SRSF8: variants seen among roughly 807,000 people sequenced by gnomAD.
SRSF8 encodes serine/arginine-rich splicing factor 8.
SRSF8 carries 3 observed loss-of-function variants against 2.0 expected under a neutral mutation model. The ratio of observed to expected loss-of-function variants is 1.47; its 90% CI spans 0.67 to 3.79. The LOEUF is 3.79. SRSF8 is among the 30% of genes most tolerant of loss of function. SRSF8 has a pLI of 0.02. For missense variants in SRSF8, 408 were observed against 410.9 expected, an observed-to-expected ratio of 0.99 and a Z score of 0.06; for synonymous variants, 162 against 170.7, an observed-to-expected ratio of 0.95 and a Z score of 0.40.
Position 95,067,689 on chromosome 11 carries a change from T to A in SRSF8, c.463T>A (p.Tyr155Asn). ...RSRSRYRGSR[Y>N]SRSPYSRSPY... Reference sequence around the variant, plus strand: ...CCGATCTCGCTATAGGGGTTCTCGCTATAGCCGGTCTCCCTACAGCCGATC... The same window carrying A: ...CCGATCTCGCTATAGGGGTTCTCGCAATAGCCGGTCTCCCTACAGCCGATC... Residue 155 changes from tyrosine (Y) to asparagine (N), a missense_variant, in exon 1 of 1, where the codon TAT (tyrosine) becomes AAT (asparagine). Tyr to Asn is a moderately radical substitution (Grantham distance 143). Around this residue, in one of 2 missense-constraint regions of SRSF8, gnomAD observed 346 missense variants for 316.5 expected, o/e 1.09. Transcript: ENST00000587424. 1 of 1,613,890 alleles carries A rather than the reference T, an allele frequency of 6.2e-7. No homozygotes were observed. The highest frequency in any genetic ancestry group is 2.2e-5 in the East Asian group (1 of 44,864).
In SRSF8 at chr11:95,067,085, C is replaced by A. The variant is rs1437397722; in HGVS notation, c.-142C>A. On this transcript the variant is annotated 5_prime_UTR_variant, in exon 1 of 1. Transcript: ENST00000587424. ...CGGAAGTTGCTGCTCCAGGGCGCTCCCTGCGGAGCTCCGCCGCCCGCCTCT... is the reference window on the plus strand; with the variant it reads ...CGGAAGTTGCTGCTCCAGGGCGCTCACTGCGGAGCTCCGCCGCCCGCCTCT... The A allele has an allele frequency of 1.3e-6, 1 of 778,652 alleles. No individual in the cohort carries two copies. The highest frequency in any genetic ancestry group is 1.9e-5 in the African/African-American group (1 of 54,004). 48.2% of individuals were successfully genotyped at this position (778,652 alleles called of 1,614,324 possible).
Position 95,069,935 on chromosome 11 carries a change from A to T in SRSF8, c.*1860A>T, listed in dbSNP as rs1354733078. On this transcript the variant is annotated 3_prime_UTR_variant, in exon 1 of 1. Coordinates refer to ENST00000587424, the MANE Select transcript of SRSF8 (RefSeq NM_032102.4). ...GGACGGGGCAGCCCTAAGGGTAGGG[A>T]AGCATTGTCAATTTCTGGGGATAGA... 1 of 167,032 alleles carries T rather than the reference A, an allele frequency of 6.0e-6. No individual in the cohort carries two copies. Among genetic ancestry groups the T allele is most frequent in the Non-Finnish European group, 1.5e-5 (1 of 68,108 alleles). The allele number at this position is 167,032 out of a possible 1,614,324, so 10.3% of individuals were successfully genotyped here. A position where few individuals can be genotyped will look rare whatever the true frequency, so the allele number is the denominator to read the frequency against.
chr11:95,067,466 G>A lies in SRSF8; in HGVS notation c.240G>A (p.Leu80=), dbSNP rs782750860. The A allele has an allele frequency of 7.9e-6, 12 of 1,526,532 alleles. No individual in the cohort carries two copies. The highest frequency in any genetic ancestry group is 3.7e-5 in the South Asian group (3 of 81,272). 94.6% of individuals were successfully genotyped at this position (1,526,532 alleles called of 1,614,324 possible). Residue 80 remains leucine, a synonymous_variant, in exon 1 of 1, where the codon CTG becomes CTA. Coordinates refer to ENST00000587424, the MANE Select transcript of SRSF8 (RefSeq NM_032102.4). The stretch of plus-strand genomic sequence containing the variant: ...AGGCCGCCATGGACGGGGCGGAGCT[G>A]GACGGACGCGAGCTGCGGGTGCAGG... ...DAEAAMDGAE[L]DGRELRVQVA... is the part of the protein sequence containing the mutation.
At position 95,068,470 on chromosome 11, in the gene SRSF8, A is replaced by AT. The variant is rs61701647; in HGVS notation, c.*396dup. 182,349 of 182,356 alleles carry AT rather than the reference A, an allele frequency of 1. 91,171 individuals carry two copies. The highest frequency in any genetic ancestry group is 1 in the Middle Eastern group (312 of 312). The allele number at this position is 182,356 out of a possible 1,614,324, so 11.3% of individuals were successfully genotyped here. A position where few individuals can be genotyped will look rare whatever the true frequency, so the allele number is the denominator to read the frequency against. Reference sequence around the variant, plus strand: ...ACACACAGCCTAACGCTGTCAAGACATGCTTCAACATTGCCTTCATTCCTT... The same window carrying AT: ...ACACACAGCCTAACGCTGTCAAGACATTGCTTCAACATTGCCTTCATTCCTT... On this transcript the variant is annotated 3_prime_UTR_variant, in exon 1 of 1. Coordinates refer to ENST00000587424, the MANE Select transcript of SRSF8 (RefSeq NM_032102.4).
In SRSF8 at chr11:95,067,561, G is replaced by T; in HGVS notation, c.335G>T (p.Gly112Val). 1 of 1,542,058 alleles carries T rather than the reference G, an allele frequency of 6.5e-7. No individual in the cohort carries two copies. The highest frequency in any genetic ancestry group is 1.4e-5 in the African/African-American group (1 of 72,814). The change falls in exon 1 of 1, where the codon GGC (glycine) becomes GTC (valine). Residue 112 changes from glycine to valine, a missense_variant. By Grantham distance (109) the Gly-to-Val change is moderately radical. This residue lies in a region of SRSF8 where 346 missense variants were observed against 316.5 expected (regional missense o/e 1.09). Transcript: ENST00000587424. ...QGEPRGRSRG[G>V]GYGRRSRSYG... ...GAGCCACGCGGCAGGTCCAGAGGCG[G>T]CGGCTACGGACGGCGGAGCCGCAGC... is the stretch of plus-strand genomic sequence containing the variant.
At position 95,067,310 on chromosome 11, in the gene SRSF8, C is replaced by T. The variant is rs782197567; in HGVS notation, c.84C>T (p.Asp28=). 8.8e-6 allele frequency: 14 copies of T among 1,598,640 alleles called. No homozygotes were observed. The South Asian group carries it at 1.6e-4, about 18-fold the overall frequency. ...ACCTGACCTACCGCACCTCTCCCGACAGCTTGAGGCGCGTGTTCGAGAAGT... is the reference window on the plus strand; with the variant it reads ...ACCTGACCTACCGCACCTCTCCCGATAGCTTGAGGCGCGTGTTCGAGAAGT... ...VDNLTYRTSP[D]SLRRVFEKYG... is the part of the protein sequence containing the mutation. The change falls in exon 1 of 1, where the codon GAC becomes GAT. Residue 28 remains aspartate, a synonymous_variant. Coordinates refer to ENST00000587424, the MANE Select transcript of SRSF8 (RefSeq NM_032102.4).
Position 95,067,577 on chromosome 11 carries a change from G to A in SRSF8, c.351G>A (p.Arg117=). The A allele has an allele frequency of 2.7e-6, 4 of 1,482,224 alleles. No individual in the cohort carries two copies. The highest frequency in any genetic ancestry group is 2.8e-5 in the African/African-American group (2 of 72,300). 91.8% of individuals were successfully genotyped at this position (1,482,224 alleles called of 1,614,324 possible). A position where few individuals can be genotyped will look rare whatever the true frequency, so the allele number is the denominator to read the frequency against. ...CCAGAGGCGGCGGCTACGGACGGCG[G>A]AGCCGCAGCTACGGGCGGCGGAGCC... ...GRSRGGGYGR[R]SRSYGRRSRS... Residue 117 remains arginine, a synonymous_variant, in exon 1 of 1, where the codon CGG becomes CGA. Transcript: ENST00000587424.
chr11:95,066,952 GC>G lies in SRSF8; in HGVS notation c.-272del, dbSNP rs372658420. On this transcript the variant is annotated 5_prime_UTR_variant, in exon 1 of 1. An upstream open reading frame in the 5' UTR loses its in-frame stop. Coordinates refer to ENST00000587424, the MANE Select transcript of SRSF8 (RefSeq NM_032102.4). ...TGGGCGCTGATTAGGTTAGGATGTT[GC>G]CCAGGTACAAGGCCAGGATCTTCGG... 2.0e-5 allele frequency among the ~76,000 whole-genome samples: 3 copies of G among 152,366 alleles called. No individual in the cohort carries two copies. The highest frequency in any genetic ancestry group is 4.4e-5 in the Non-Finnish European group (3 of 68,030).
In SRSF8 at chr11:95,067,022, C is replaced by A. The variant is rs1378034982; in HGVS notation, c.-205C>A. ...GTTCAGCTACCAAAAGGAAACCTTCCTCTGGGTCCTGGAGTATTTGGCCTG... is the reference window on the plus strand; with the variant it reads ...GTTCAGCTACCAAAAGGAAACCTTCATCTGGGTCCTGGAGTATTTGGCCTG... On this transcript the variant is annotated 5_prime_UTR_variant, in exon 1 of 1. Coordinates refer to ENST00000587424, the MANE Select transcript of SRSF8 (RefSeq NM_032102.4). 6.6e-6 allele frequency among the ~76,000 whole-genome samples: 1 copy of A among 152,252 alleles called. No homozygotes were observed. Among genetic ancestry groups the A allele is most frequent in the Non-Finnish European group, 1.5e-5 (1 of 68,048 alleles).
chr11:95,069,284 CTCT>C lies in SRSF8; in HGVS notation c.*1211_*1213del, dbSNP rs1555107428. 3 of 166,808 alleles carry C rather than the reference CTCT, an allele frequency of 1.8e-5. No homozygotes were observed. Among genetic ancestry groups the C allele is most frequent in the African/African-American group, 7.2e-5 (3 of 41,450 alleles). The allele number at this position is 166,808 out of a possible 1,614,324, so 10.3% of individuals were successfully genotyped here. On this transcript the variant is annotated 3_prime_UTR_variant, in exon 1 of 1. Transcript: ENST00000587424. ...ACAATGCAGTTTATTTGTAGTTTCT[CTCT>C]TTTTTCCTCACACCTATGGTTTTTT... is the stretch of plus-strand genomic sequence containing the variant.
rs907147161 is a variant in SRSF8 at position 95,069,327 on chromosome 11, T to C, written c.*1252T>C. ...TATGGTTTTTTTACTTCCAAAATTA[T>C]TTTCAAATAATCCATTTTTGGCTTT... On this transcript the variant is annotated 3_prime_UTR_variant, in exon 1 of 1. Transcript: ENST00000587424. 3 of 166,720 alleles carry C rather than the reference T, an allele frequency of 1.8e-5. No individual in the cohort carries two copies. The highest frequency in any genetic ancestry group is 4.8e-5 in the African/African-American group (2 of 41,460). The allele number at this position is 166,720 out of a possible 1,614,324, so 10.3% of individuals were successfully genotyped here.
chr11:95,068,195 C>G lies in SRSF8; in HGVS notation c.*120C>G. The G allele has an allele frequency of 1.9e-6, 2 of 1,031,184 alleles. No homozygotes were observed. Among genetic ancestry groups the G allele is most frequent in the South Asian group, 3.5e-5 (2 of 56,876 alleles). 63.9% of individuals were successfully genotyped at this position (1,031,184 alleles called of 1,614,324 possible). ...TGCCTATTGAAAAGGTTGTGTCACA[C>G]TTTTCTACCTTTTTGCCAGTTTGAA... is the stretch of plus-strand genomic sequence containing the variant. On this transcript the variant is annotated 3_prime_UTR_variant, in exon 1 of 1. Coordinates refer to ENST00000587424, the MANE Select transcript of SRSF8 (RefSeq NM_032102.4).
chr11:95,067,160 A>C lies in SRSF8; in HGVS notation c.-67A>C, dbSNP rs1359932026. On this transcript the variant is annotated 5_prime_UTR_variant, in exon 1 of 1. Coordinates refer to ENST00000587424, the MANE Select transcript of SRSF8 (RefSeq NM_032102.4). ...CACGCGGGGCGCAACCGCGAGAAAG[A>C]AACGCAGGTCGCACCGTCAGCGCCC... 4 of 1,328,420 alleles carry C rather than the reference A, an allele frequency of 3.0e-6. No homozygotes were observed. The highest frequency in any genetic ancestry group is 1.5e-5 in the African/African-American group (1 of 64,850). The allele number at this position is 1,328,420 out of a possible 1,614,324, so 82.3% of individuals were successfully genotyped here. A position where few individuals can be genotyped will look rare whatever the true frequency, so the allele number is the denominator to read the frequency against.
chr11:95,067,814 T>G lies in SRSF8; in HGVS notation c.588T>G (p.Ser196Arg). The G allele has an allele frequency of 2.5e-6, 4 of 1,613,964 alleles. No homozygotes were observed. The highest frequency in any genetic ancestry group is 3.4e-6 in the Non-Finnish European group (4 of 1,179,864). ...CTCACTACAGCTCATCTGGTTACAG[T>G]AACTCTCGCTACAGCCGATATCACA... ...GGSHYSSSGY[S>R]NSRYSRYHSS... Residue 196 changes from serine to arginine, a missense_variant, in exon 1 of 1, where the codon AGT (serine) becomes AGG (arginine). By Grantham distance (110) the Ser-to-Arg change is moderately radical. This residue lies in a region of SRSF8 where 346 missense variants were observed against 316.5 expected (regional missense o/e 1.09). Transcript: ENST00000587424.
rs574679718 is a variant in SRSF8 at position 95,070,892 on chromosome 11, G to A, written c.*2817G>A. 5 of 167,222 alleles carry A rather than the reference G, an allele frequency of 3.0e-5. No homozygotes were observed. In the South Asian group the frequency reaches 8.3e-4, roughly 28 times the overall value. 10.4% of individuals were successfully genotyped at this position (167,222 alleles called of 1,614,324 possible). ...TGGCTTGAAATGCTAAATGGATGAC[G>A]GTGCTGTTTAGTGAGTTGGGGAAGA... On this transcript the variant is annotated 3_prime_UTR_variant, in exon 1 of 1. Transcript: ENST00000587424.
Position 95,068,275 on chromosome 11 carries a change from T to C in SRSF8, c.*200T>C, listed in dbSNP as rs1370743320. 3.3e-6 allele frequency: 2 copies of C among 601,410 alleles called. No individual in the cohort carries two copies. The highest frequency in any genetic ancestry group is 3.7e-5 in the African/African-American group (2 of 53,828). 37.3% of individuals were successfully genotyped at this position (601,410 alleles called of 1,614,324 possible). A position where few individuals can be genotyped will look rare whatever the true frequency, so the allele number is the denominator to read the frequency against. ...ATGTGCCGTTTTGTTGTTATTCACA[T>C]TTTATTGTAACTTAGGAGGTGAACG... On this transcript the variant is annotated 3_prime_UTR_variant, in exon 1 of 1. Transcript: ENST00000587424.
Position 95,067,308 on chromosome 11 carries a change from G to C in SRSF8, c.82G>C (p.Asp28His), listed in dbSNP as rs565423585. ...VDNLTYRTSP[D>H]SLRRVFEKYG... Reference sequence around the variant, plus strand: ...CAACCTGACCTACCGCACCTCTCCCGACAGCTTGAGGCGCGTGTTCGAGAA... The same window carrying C: ...CAACCTGACCTACCGCACCTCTCCCCACAGCTTGAGGCGCGTGTTCGAGAA... The change falls in exon 1 of 1, where the codon GAC becomes CAC. Residue 28 changes from aspartate (D) to histidine (H), a missense_variant. Asp to His is a moderately conservative substitution (Grantham distance 81, BLOSUM62 -1). This residue lies in a region of SRSF8 where 62 missense variants were observed against 94.4 expected (regional missense o/e 0.66). Coordinates refer to ENST00000587424, the MANE Select transcript of SRSF8 (RefSeq NM_032102.4). 6.3e-7 allele frequency: 1 copy of C among 1,597,548 alleles called. No individual in the cohort carries two copies. Among genetic ancestry groups the C allele is most frequent in the African/African-American group, 1.4e-5 (1 of 72,670 alleles).
chr11:95,068,140 T>C lies in SRSF8; in HGVS notation c.*65T>C. The C allele has an allele frequency of 5.5e-6, 8 of 1,442,736 alleles. No homozygotes were observed. Among genetic ancestry groups the C allele is most frequent in the Non-Finnish European group, 7.5e-6 (8 of 1,065,334 alleles). The allele number at this position is 1,442,736 out of a possible 1,614,324, so 89.4% of individuals were successfully genotyped here. Reference sequence around the variant, plus strand: ...GGGGAAAAGGATCACATACTCAGTCTATGGAAGCAACGTCCCTGGAAGAAG... The same window carrying C: ...GGGGAAAAGGATCACATACTCAGTCCATGGAAGCAACGTCCCTGGAAGAAG... On this transcript the variant is annotated 3_prime_UTR_variant, in exon 1 of 1. Coordinates refer to ENST00000587424, the MANE Select transcript of SRSF8 (RefSeq NM_032102.4).
Position 95,067,588 on chromosome 11 carries a change from AC to A in SRSF8, c.363del (p.Tyr121Ter), listed in dbSNP as rs1555107102. ...GGCTACGGACGGCGGAGCCGCAGCTACGGGCGGCGGAGCCGCAGCCCCAGGC... is the reference window on the plus strand; with the variant it reads ...GGCTACGGACGGCGGAGCCGCAGCTAGGGCGGCGGAGCCGCAGCCCCAGGC... Reference protein sequence around the residue: ...GGGYGRRSRSYGRRSRSPRRR... With the variant: ...GGGYGRRSRSXGRRSRSPRRR... On this transcript the variant is annotated frameshift_variant, in exon 1 of 1. Coordinates refer to ENST00000587424, the MANE Select transcript of SRSF8 (RefSeq NM_032102.4). LOFTEE classifies it low-confidence loss of function (END_TRUNC). 1 of 1,485,344 alleles carries A rather than the reference AC, an allele frequency of 6.7e-7. No homozygotes were observed. Among genetic ancestry groups the A allele is most frequent in the Non-Finnish European group, 9.1e-7 (1 of 1,097,202 alleles). The allele number at this position is 1,485,344 out of a possible 1,614,324, so 92.0% of individuals were successfully genotyped here. A position where few individuals can be genotyped will look rare whatever the true frequency, so the allele number is the denominator to read the frequency against.
Sources: gnomAD v4.1 joint callset for allele counts (sites outside exome capture counted in the v4.1 genomes callset) on GRCh38, gnomAD v4.1.1 for gene constraint, gnomAD v4.1.1 regional missense constraint, MANE v1.5 for transcripts, NCBI Gene and HGNC (gene_info 2026-07-23, HGNC 2026-07-21) for gene names.